DMD: variants seen among roughly 807,000 people sequenced by gnomAD.
The protein encoded by DMD is dystrophin.
In DMD, 63 loss-of-function variants were observed where a neutral mutation model predicts 330.1. That is an observed-to-expected ratio of 0.19 (90% CI 0.16 to 0.24). The LOEUF (loss-of-function observed/expected upper bound fraction) is 0.24. Among genes scored for constraint, DMD ranks in the 10% least tolerant of loss-of-function variants. The probability of loss-of-function intolerance (pLI) is 1.00; values close to 1 mark genes in which losing one functional copy is unlikely to be tolerated. For synonymous variants in DMD, 1,223 were observed against 959.8 expected (o/e 1.27, Z -5.07); for missense variants, 3,344 against 2,684.1 (o/e 1.25, Z -5.43).
At chrX:32,840,668 A>C (rs977249048) in intron 4 of DMD, among the ~76,000 whole-genome samples, 1 of 112,094 alleles carries the variant, frequency 8.9e-6, no homozygotes, top group African/African-American at 3.2e-5. Flanking sequence ...TTTGAAATTT[A>C]ATTGAAAGAA....
chrX:31,546,231 T>A (rs2074133545), intron 55 of DMD, among the ~76,000 whole-genome samples: 2 of 112,497 alleles, frequency 1.8e-5, no homozygotes, highest in Non-Finnish European at 3.8e-5. Context: ...TTCCATGTGT[T>A]AAATCAATGT....
At chrX:31,371,738 T>C (rs2059582617) in intron 60 of DMD, among the ~76,000 whole-genome samples, 1 of 111,872 alleles carries the variant, frequency 8.9e-6, no homozygotes, top group Non-Finnish European at 1.9e-5. Context: ...GAAGCATTTG[T>C]TTTGTTTGTT....
At chrX:31,773,057 T>C (rs2090435660) in intron 51 of DMD, among the ~76,000 whole-genome samples, 1 of 111,945 alleles carries the variant, frequency 8.9e-6, no homozygotes, top group African/African-American at 3.2e-5. Context: ...GTGAAGTTTA[T>C]TTTACAAAGA....
At chrX:32,762,934 G>GA (rs1186578022) in intron 7 of DMD, among the ~76,000 whole-genome samples, 5 of 112,009 alleles carry the variant, frequency 4.5e-5, no homozygotes, top group Non-Finnish European at 9.4e-5. Flanking sequence ...TATGGAATAT[G>GA]ATGGAGTGTC....
chrX:31,363,147 A>G, intron 60 of DMD, among the ~76,000 whole-genome samples: 1 of 111,760 alleles, frequency 8.9e-6, no homozygotes, highest in East Asian at 2.8e-4. Flanking sequence ...TTTAACTACT[A>G]AGAATATTTA....
intron 11 of DMD, among the ~76,000 whole-genome samples, chrX:32,615,036 T>C (rs148963839): frequency 0.012 from 1,354 of 111,004 alleles, 14 homozygotes; most frequent in Non-Finnish European, 0.02. Flanking sequence ...TTAGAGACCA[T>C]ATAGGAGTGA....
intron 2 of DMD, among the ~76,000 whole-genome samples, chrX:33,004,736 TAA>T (rs1212133809): frequency 1.8e-5 from 2 of 111,296 alleles, no homozygotes; most frequent in Non-Finnish European, 3.8e-5. Context: ...GTTTACTTTA[TAA>T]TGTTAAGCCA....
intron 48 of DMD, among the ~76,000 whole-genome samples, chrX:31,857,380 GAAAAAAAAAAAAA>G (rs57685055): frequency 4.6e-4 from 17 of 36,771 alleles, no homozygotes; most frequent in East Asian, 1.4e-3. Context: ...CTCCACCTCG[GAAAAAAAAAAAAA>G]AAAAAAAAAA....
At position 32,667,690 on chromosome X, in the gene DMD, C is replaced by G. The variant is rs1311778901; in HGVS notation, c.961-22538G>C. Among the ~76,000 whole-genome samples, 6 of 109,602 alleles carry G rather than the reference C, an allele frequency of 5.5e-5. 1 individual carries two copies. The highest frequency in any genetic ancestry group is 3.8e-5 in the Non-Finnish European group (2 of 52,775). On this transcript the variant is annotated intron_variant, in intron 9 of 78. Transcript: ENST00000357033. ...AAAAGATCACATGTATAATATTTGT[C>G]TTTTCTACATTTTGTCTATTTGACA...
intron 1 of DMD, among the ~76,000 whole-genome samples, chrX:33,338,111 T>A (rs1326912689): frequency 8.9e-6 from 1 of 111,988 alleles, no homozygotes; most frequent in Non-Finnish European, 1.9e-5. Flanking sequence ...TTTTAAACAA[T>A]CACTTGTTAA....
At chrX:32,701,000 C>T (rs771108910) in intron 7 of DMD, among the ~76,000 whole-genome samples, 85 of 111,709 alleles carry the variant, frequency 7.6e-4, no homozygotes, top group South Asian at 2.2e-3. Context: ...TTACAAGAGA[C>T]GAAAAAATTA....
chrX:32,252,735 T>TATATATAAATATATATAA (rs1569553634), intron 43 of DMD, among the ~76,000 whole-genome samples: 1 of 27,108 alleles, frequency 3.7e-5, no homozygotes, highest in African/African-American at 2.0e-4. Flanking sequence ...AATATATAAA[T>TATATATAAATATATATAA]ATATATATAA....
chrX:32,467,574 T>G (rs1300134242), intron 23 of DMD, among the ~76,000 whole-genome samples: 1 of 109,288 alleles, frequency 9.2e-6, no homozygotes, highest in Non-Finnish European at 1.9e-5. Flanking sequence ...GTTACATATG[T>G]GATATATATT....
chrX:32,649,584 G>A (rs867810565), intron 9 of DMD, among the ~76,000 whole-genome samples: 4,388 of 83,398 alleles, frequency 0.053, 134 homozygotes, highest in African/African-American at 0.12. Flanking sequence ...AAAAAAAAAA[G>A]GTGAAAGAGC....
intron 1 of DMD, among the ~76,000 whole-genome samples, chrX:33,237,230 C>A (rs1180875821): frequency 2.1e-5 from 2 of 96,787 alleles, no homozygotes; most frequent in African/African-American, 7.5e-5. Context: ...CCCTCCCTCC[C>A]TCTTTCTTTT....
chrX:32,592,740 C>T (rs1164490309), intron 13 of DMD, among the ~76,000 whole-genome samples: 1 of 112,380 alleles, frequency 8.9e-6, no homozygotes. Context: ...GAGCTGTGGC[C>T]TTTTGCAGAG....
intron 9 of DMD, among the ~76,000 whole-genome samples, chrX:32,659,581 C>CA (rs2060814045): frequency 9.0e-6 from 1 of 110,722 alleles, no homozygotes; most frequent in Non-Finnish European, 1.9e-5. Context: ...CGACAGTAGA[C>CA]AGTTTATTTT....
At chrX:33,161,831 A>G (rs776442836) in intron 1 of DMD, among the ~76,000 whole-genome samples, 4 of 112,047 alleles carry the variant, frequency 3.6e-5, no homozygotes, top group Non-Finnish European at 7.5e-5. Context: ...CTATCCCTAC[A>G]CTAATCTGAA....
intron 2 of DMD, among the ~76,000 whole-genome samples, chrX:32,964,639 C>A (rs1403342606): frequency 9.0e-6 from 1 of 110,610 alleles, no homozygotes; most frequent in African/African-American, 3.3e-5. Flanking sequence ...ACCTGGGAGG[C>A]AGAGGTTGCA....
Sources: gnomAD v4.1 joint callset for allele counts (sites outside exome capture counted in the v4.1 genomes callset) on GRCh38, gnomAD v4.1.1 for gene constraint, MANE v1.5 for transcripts, NCBI Gene and HGNC (gene_info 2026-07-23, HGNC 2026-07-21) for gene names.